The following SCHIP1 variants were observed in gnomAD, a reference collection of about 807,000 sequenced individuals.
SCHIP1 encodes the protein schwannomin interacting protein 1.
Under a neutral mutation model 29.7 loss-of-function variants are expected in SCHIP1, and 8 were observed. The ratio of observed to expected loss-of-function variants is 0.27; its 90% CI spans 0.16 to 0.49. The LOEUF (loss-of-function observed/expected upper bound fraction) is 0.49, where lower values mean the gene tolerates loss of function less well. Among genes scored for constraint, SCHIP1 ranks in the 20% least tolerant of loss-of-function variants. SCHIP1 has a pLI of 0.99. For missense variants in SCHIP1, 193 were observed against 294.6 expected (o/e 0.66, Z 2.52); for synonymous variants, 76 against 94.9 (o/e 0.80, Z 1.16).
chr3:159,317,383 C>T, the SCHIP1 span, among the ~76,000 whole-genome samples: 10 of 152,168 alleles, frequency 6.6e-5, no homozygotes, highest in Admixed American at 5.9e-4. Context: ...TCTAGGCCAG[C>T]AGAACATAAT....
the SCHIP1 span, among the ~76,000 whole-genome samples, chr3:159,426,911 T>TA: frequency 6.6e-6 from 1 of 152,182 alleles, no homozygotes; most frequent in African/African-American, 2.4e-5. Context: ...ATCCAGCATA[T>TA]AAACAGAACC....
At chr3:159,359,656 A>C in the SCHIP1 span, among the ~76,000 whole-genome samples, 3 of 152,330 alleles carry the variant, frequency 2.0e-5, no homozygotes, top group Middle Eastern at 0.01. Flanking sequence ...TTAGAGTAGA[A>C]CAAAAATGTC....
the SCHIP1 span, among the ~76,000 whole-genome samples, chr3:159,397,652 C>A: frequency 6.6e-6 from 1 of 152,150 alleles, no homozygotes; most frequent in Non-Finnish European, 1.5e-5. Context: ...GGGTCAGGGA[C>A]CCACTTGAGG....
chr3:159,643,846 T>C, the SCHIP1 span, among the ~76,000 whole-genome samples: 1 of 152,068 alleles, frequency 6.6e-6, no homozygotes, highest in African/African-American at 2.4e-5. Flanking sequence ...ATATGTTGAC[T>C]TTGATGTTTT....
the SCHIP1 span, among the ~76,000 whole-genome samples, chr3:159,538,220 A>G: frequency 6.6e-6 from 1 of 150,888 alleles, no homozygotes; most frequent in Non-Finnish European, 1.5e-5. Flanking sequence ...GAGAAGTTTT[A>G]GGATACAGCC....
the SCHIP1 span, among the ~76,000 whole-genome samples, chr3:159,419,498 T>C: frequency 6.6e-6 from 1 of 152,172 alleles, no homozygotes; most frequent in East Asian, 1.9e-4. Context: ...TCTCTGGAAA[T>C]AGTCTGTGGC....
the SCHIP1 span, among the ~76,000 whole-genome samples, chr3:159,525,711 T>A: frequency 1.3e-5 from 2 of 152,302 alleles, no homozygotes; most frequent in East Asian, 3.9e-4. Flanking sequence ...AAAATATTCA[T>A]GGACTGAAGT....
chr3:159,289,988 G>A, the SCHIP1 span, among the ~76,000 whole-genome samples: 78 of 152,284 alleles, frequency 5.1e-4, 1 homozygote, highest in African/African-American at 1.8e-3. Flanking sequence ...TGCACCCAAC[G>A]AAGCTACACT....
chr3:159,301,924 T>C, the SCHIP1 span, among the ~76,000 whole-genome samples: 1 of 152,196 alleles, frequency 6.6e-6, no homozygotes, highest in Non-Finnish European at 1.5e-5. Flanking sequence ...CTGGTGATGG[T>C]AAAGGGCAAA....
At chr3:159,890,221 G>A (rs898630651) in intron 5 of SCHIP1, among the ~76,000 whole-genome samples, 6 of 152,204 alleles carry the variant, frequency 3.9e-5, no homozygotes, top group African/African-American at 9.6e-5. Context: ...AAGTCGGAGA[G>A]AGAAATGATT....
the SCHIP1 span, among the ~76,000 whole-genome samples, chr3:159,344,257 G>T: frequency 6.6e-6 from 1 of 150,490 alleles, no homozygotes; most frequent in Non-Finnish European, 1.5e-5. Context: ...GGGGGCGGAG[G>T]TTGCGGTGAG....
the SCHIP1 span, among the ~76,000 whole-genome samples, chr3:159,708,498 G>A: frequency 6.6e-6 from 1 of 152,196 alleles, no homozygotes; most frequent in East Asian, 1.9e-4. Flanking sequence ...TAGGTGAATT[G>A]AAATAGGCAC....
chr3:159,860,760 C>T (rs1713971845), intron 1 of SCHIP1, among the ~76,000 whole-genome samples: 1 of 152,216 alleles, frequency 6.6e-6, no homozygotes, highest in Non-Finnish European at 1.5e-5. Context: ...TCCAGGCCTA[C>T]AACTGTCCCT....
At chr3:159,348,673 T>A in the SCHIP1 span, among the ~76,000 whole-genome samples, 1 of 152,186 alleles carries the variant, frequency 6.6e-6, no homozygotes, top group Non-Finnish European at 1.5e-5. Context: ...CATTTCCATC[T>A]GGCAGCATCT....
the SCHIP1 span, among the ~76,000 whole-genome samples, chr3:159,626,244 CTATCTATATAGATAGATAGATAGA>C: frequency 1.1e-5 from 1 of 91,704 alleles, no homozygotes; most frequent in African/African-American, 7.1e-5. Context: ...ATATATCTAT[CTATCTATATAGATAGATAGATAGA>C]TAGATAGATA....
the SCHIP1 span, among the ~76,000 whole-genome samples, chr3:159,411,903 G>A: frequency 6.6e-6 from 1 of 152,198 alleles, no homozygotes; most frequent in South Asian, 2.1e-4. Context: ...ACATGGTAAG[G>A]TCACCAAGAA....
chr3:159,479,423 T>C, the SCHIP1 span, among the ~76,000 whole-genome samples: 3 of 152,166 alleles, frequency 2.0e-5, no homozygotes, highest in Admixed American at 6.5e-5. Flanking sequence ...TAAGACAACA[T>C]GATTCTGTCT....
the SCHIP1 span, among the ~76,000 whole-genome samples, chr3:159,445,535 C>A: frequency 2.0e-5 from 3 of 151,892 alleles, no homozygotes; most frequent in African/African-American, 7.3e-5. Context: ...GGGTATATAC[C>A]CAAAGGACTA....
the SCHIP1 span, among the ~76,000 whole-genome samples, chr3:159,622,396 T>C: frequency 2.0e-5 from 3 of 151,038 alleles, no homozygotes; most frequent in Non-Finnish European, 3.0e-5. Context: ...AAAAGATACA[T>C]GATCTGAAAA....
Sources: gnomAD v4.1 joint callset for allele counts (sites outside exome capture counted in the v4.1 genomes callset) on GRCh38, gnomAD v4.1.1 for gene constraint, MANE v1.5 for transcripts, NCBI Gene and HGNC (gene_info 2026-07-23, HGNC 2026-07-21) for gene names.